MGMT: variants seen among roughly 807,000 people sequenced by gnomAD.
The protein encoded by MGMT is O-6-methylguanine-DNA methyltransferase.
In MGMT, 14 loss-of-function variants were observed where a neutral mutation model predicts 15.9. The ratio of observed to expected loss-of-function variants is 0.88; its 90% CI spans 0.58 to 1.37. The LOEUF (loss-of-function observed/expected upper bound fraction) is 1.37. Ranked by LOEUF, MGMT falls within the 40% of genes most tolerant of loss-of-function variation. The pLI is 0.00. For synonymous variants in MGMT, 130 were observed against 118.2 expected (o/e 1.10, Z -0.65); for missense variants, 282 against 268.1 (o/e 1.05, Z -0.36).
intron 2 of MGMT, among the ~76,000 whole-genome samples, chr10:129,623,157 T>A (rs564461721): frequency 1.1e-4 from 17 of 152,236 alleles, no homozygotes; most frequent in African/African-American, 4.1e-4. Flanking sequence ...CTTGCAGATA[T>A]AAGCAAAGTT....
At position 129,662,410 on chromosome 10, in the gene MGMT, C is replaced by T. The variant is rs79731556; in HGVS notation, c.126-45485C>T. On this transcript the variant is annotated intron_variant, in intron 2 of 4. Transcript: ENST00000651593. ...TAACACTGGGAAAATCCTGGGTAAA[C>T]TGCTGGGACAAGTTGGTCACCCTAG... is the stretch of plus-strand genomic sequence containing the variant. 5.1e-3 allele frequency among the ~76,000 whole-genome samples: 780 copies of T among 152,258 alleles called. 4 individuals carry two copies. Among genetic ancestry groups the T allele is most frequent in the African/African-American group, 0.018 (741 of 41,538 alleles).
intron 2 of MGMT, among the ~76,000 whole-genome samples, chr10:129,584,224 G>A (rs1846591736): frequency 6.6e-6 from 1 of 152,188 alleles, no homozygotes; most frequent in Non-Finnish European, 1.5e-5. Flanking sequence ...ACATGGAGGG[G>A]CACCATTTGG....
chr10:129,528,530 G>T (rs2119742771), intron 1 of MGMT, among the ~76,000 whole-genome samples: 1 of 152,004 alleles, frequency 6.6e-6, no homozygotes, highest in African/African-American at 2.4e-5. Context: ...GGGAGCGGGG[G>T]CGTGGGTGCG....
In MGMT at chr10:129,531,706, T is replaced by C. The variant is rs901685645; in HGVS notation, c.-12-4535T>C. On this transcript the variant is annotated intron_variant, in intron 1 of 4. Coordinates refer to ENST00000651593, the MANE Select transcript of MGMT (RefSeq NM_002412.5). Reference sequence around the variant, plus strand: ...TTGTCTACCGGAAAAAAAGGTAGTATGCAGGTTTCAGTGGCATATCAAATT... The same window carrying C: ...TTGTCTACCGGAAAAAAAGGTAGTACGCAGGTTTCAGTGGCATATCAAATT... 1.4e-4 allele frequency among the ~76,000 whole-genome samples: 21 copies of C among 148,410 alleles called. 1 individual carries two copies. In the Admixed American group the frequency reaches 1.5e-3, roughly 10 times the overall value.
chr10:129,626,932 A>G (rs1428922575), intron 2 of MGMT, among the ~76,000 whole-genome samples: 1 of 152,174 alleles, frequency 6.6e-6, no homozygotes, highest in East Asian at 1.9e-4. Flanking sequence ...TAGTGCAAGA[A>G]GCGTGGGCAG....
Position 129,638,168 on chromosome 10 carries a change from A to C in MGMT, c.126-69727A>C, listed in dbSNP as rs150235306. Among the ~76,000 whole-genome samples, 3 of 152,102 alleles carry C rather than the reference A, an allele frequency of 2.0e-5. No homozygotes were observed. In the East Asian group the frequency reaches 5.8e-4, roughly 29 times the overall value. On this transcript the variant is annotated intron_variant, in intron 2 of 4. Coordinates refer to ENST00000651593, the MANE Select transcript of MGMT (RefSeq NM_002412.5). The stretch of plus-strand genomic sequence containing the variant: ...ACATGTTTCACTTAACTTCATCTAA[A>C]TTTCCTAGACACACCAATCTGTAAC...
At chr10:129,751,020 T>C (rs543546113) in intron 3 of MGMT, among the ~76,000 whole-genome samples, 1 of 152,214 alleles carries the variant, frequency 6.6e-6, no homozygotes, top group African/African-American at 2.4e-5. Context: ...ACTCTTTTGG[T>C]TTCTGACTTT....
chr10:129,497,959 A>G lies in MGMT; in HGVS notation c.-13+30663A>G, dbSNP rs367806323. 2.6e-3 allele frequency among the ~76,000 whole-genome samples: 392 copies of G among 152,356 alleles called. 1 individual carries two copies. The highest frequency in any genetic ancestry group is 9.0e-3 in the African/African-American group (375 of 41,584). On this transcript the variant is annotated intron_variant, in intron 1 of 4. Coordinates refer to ENST00000651593, the MANE Select transcript of MGMT (RefSeq NM_002412.5). ...TGCGAGATGAATTTCTGTTGTTTAC[A>G]AAGCACCCAGTCTAAGGTATTTTAT...
chr10:129,544,603 T>C (rs1432503897), intron 2 of MGMT, among the ~76,000 whole-genome samples: 1 of 152,230 alleles, frequency 6.6e-6, no homozygotes, highest in East Asian at 1.9e-4. Context: ...ACTACCCTGT[T>C]GCGTGGGTGG....
At position 129,639,179 on chromosome 10, in the gene MGMT, ATTGT is replaced by A. The variant is rs764393520; in HGVS notation, c.126-68709_126-68706del. ...ATACAAAGATCTTAAAAAACCATGA[ATTGT>A]TTGTTTAAGAGAAAAAAATAGATTA... On this transcript the variant is annotated intron_variant, in intron 2 of 4. Transcript: ENST00000651593. 2.2e-4 allele frequency among the ~76,000 whole-genome samples: 33 copies of A among 152,272 alleles called. No homozygotes were observed. The Middle Eastern group carries it at 0.01, about 47-fold the overall frequency.
intron 2 of MGMT, among the ~76,000 whole-genome samples, chr10:129,638,446 G>GAAAAAAAAAAAAAAAAAAAAAAAA (rs1157292152): frequency 4.2e-5 from 4 of 96,302 alleles, no homozygotes; most frequent in Non-Finnish European, 6.2e-5. Context: ...AAAAAAAAAA[G>GAAAAAAAAAAAAAAAAAAAAAAAA]AAAAAAAAAA....
chr10:129,518,307 C>G (rs1268237008), intron 1 of MGMT, among the ~76,000 whole-genome samples: 3 of 147,514 alleles, frequency 2.0e-5, no homozygotes, highest in African/African-American at 7.7e-5. Context: ...TGAGAAAATT[C>G]TAAATGATGT....
intron 2 of MGMT, among the ~76,000 whole-genome samples, chr10:129,642,234 G>C (rs998230204): frequency 3.9e-5 from 6 of 152,200 alleles, no homozygotes; most frequent in African/African-American, 9.7e-5. Context: ...GGCGTAGGGG[G>C]CATAAATGGC....
intron 2 of MGMT, among the ~76,000 whole-genome samples, chr10:129,545,186 T>G (rs572924170): frequency 1.3e-5 from 2 of 152,324 alleles, no homozygotes; most frequent in Admixed American, 6.5e-5. Context: ...GGGTATTCCC[T>G]CTACTTAGCT....
Position 129,580,704 on chromosome 10 carries a change from G to A in MGMT, c.125+44327G>A, listed in dbSNP as rs367815821. Among the ~76,000 whole-genome samples the A allele has an allele frequency of 5.3e-5, 8 of 152,278 alleles. No individual in the cohort carries two copies. In the East Asian group the frequency reaches 9.7e-4, roughly 18 times the overall value. ...ACCTAGGGACACCCCATGATGGCTTGTCCCCCGACCACAGACACCCCATGA... is the reference window on the plus strand; with the variant it reads ...ACCTAGGGACACCCCATGATGGCTTATCCCCCGACCACAGACACCCCATGA... On this transcript the variant is annotated intron_variant, in intron 2 of 4. Coordinates refer to ENST00000651593, the MANE Select transcript of MGMT (RefSeq NM_002412.5).
At chr10:129,629,360 T>C (rs1179061591) in intron 2 of MGMT, among the ~76,000 whole-genome samples, 7 of 152,214 alleles carry the variant, frequency 4.6e-5, no homozygotes, top group Admixed American at 4.6e-4. Flanking sequence ...ACAGACACAC[T>C]GGGGATGTGC....
At chr10:129,716,285 G>A (rs1006750730) in intron 3 of MGMT, among the ~76,000 whole-genome samples, 13 of 152,118 alleles carry the variant, frequency 8.5e-5, no homozygotes, top group Admixed American at 2.0e-4. Flanking sequence ...CACCCTCTCC[G>A]CCAGTAAATA....
chr10:129,715,514 C>T (rs1848283803), intron 3 of MGMT: 1 of 152,198 alleles, frequency 6.6e-6, no homozygotes, highest in Non-Finnish European at 1.5e-5. Context: ...TCTATTTCCA[C>T]TGTAGTCATT....
At chr10:129,616,860 C>T (rs1183457046) in intron 2 of MGMT, among the ~76,000 whole-genome samples, 1 of 151,974 alleles carries the variant, frequency 6.6e-6, no homozygotes, top group Admixed American at 6.5e-5. Flanking sequence ...CTTCATTCTC[C>T]ACCTCCTCCC....
Sources: allele counts gnomAD v4.1 joint callset (sites outside exome capture counted in the v4.1 genomes callset), GRCh38; gene constraint gnomAD v4.1.1; transcripts MANE v1.5; gene names NCBI Gene and HGNC (gene_info 2026-07-23, HGNC 2026-07-21).